CTNNA2: variants seen among roughly 807,000 people sequenced by gnomAD.
The protein encoded by CTNNA2 is catenin alpha-2.
CTNNA2 carries 42 observed loss-of-function variants against 101.0 expected under a neutral mutation model. That is an observed-to-expected ratio of 0.42 (90% CI 0.32 to 0.54). CTNNA2 has a LOEUF of 0.54. Among genes scored for constraint, CTNNA2 ranks in the 20% least tolerant of loss-of-function variants. The pLI, the probability that CTNNA2 is intolerant of heterozygous loss-of-function variation, is 0.14. For missense variants in CTNNA2, 871 were observed against 1,223.1 expected (o/e 0.71, Z 4.29); for synonymous variants, 450 against 456.4 (o/e 0.99, Z 0.18).
At chr2:79,621,789 C>T (rs952955410) in intron 1 of CTNNA2, among the ~76,000 whole-genome samples, 3 of 152,126 alleles carry the variant, frequency 2.0e-5, no homozygotes, top group African/African-American at 7.2e-5. Context: ...AAATTCAACA[C>T]CAGTAGTGAT....
chr2:80,482,168 A>T (rs1686201191), intron 9 of CTNNA2, among the ~76,000 whole-genome samples: 1 of 152,054 alleles, frequency 6.6e-6, no homozygotes, highest in Admixed American at 6.6e-5. Context: ...TAATCTGGTG[A>T]TCCAATCCTC....
At chr2:79,702,511 T>A (rs973634094) in intron 2 of CTNNA2, among the ~76,000 whole-genome samples, 1 of 152,184 alleles carries the variant, frequency 6.6e-6, no homozygotes, top group African/African-American at 2.4e-5. Flanking sequence ...GCTATAGAGT[T>A]AGATCATGAA....
chr2:79,646,980 A>G (rs1362250123), intron 1 of CTNNA2, among the ~76,000 whole-genome samples: 1 of 152,200 alleles, frequency 6.6e-6, no homozygotes, highest in Non-Finnish European at 1.5e-5. Context: ...TCCAGTCTGT[A>G]TTCTAAGTCT....
intron 2 of CTNNA2, among the ~76,000 whole-genome samples, chr2:79,694,504 A>G (rs1249833870): frequency 1.3e-5 from 2 of 151,900 alleles, no homozygotes; most frequent in African/African-American, 4.8e-5. Flanking sequence ...TTAACTCTGT[A>G]TATTTTATAA....
chr2:80,010,713 T>A (rs1169911080), intron 7 of CTNNA2, among the ~76,000 whole-genome samples: 1 of 100,970 alleles, frequency 9.9e-6, no homozygotes, highest in Non-Finnish European at 2.6e-5. Context: ...TTTTTGCCAT[T>A]CACTTTTTTT....
chr2:79,794,608 C>G (rs1181891012), intron 3 of CTNNA2, among the ~76,000 whole-genome samples: 1 of 152,126 alleles, frequency 6.6e-6, no homozygotes, highest in Non-Finnish European at 1.5e-5. Flanking sequence ...ACCCGCTTAG[C>G]AAGTCTTAAG....
intron 7 of CTNNA2, among the ~76,000 whole-genome samples, chr2:80,164,370 T>C (rs1475670889): frequency 6.6e-6 from 1 of 152,044 alleles, no homozygotes; most frequent in Non-Finnish European, 1.5e-5. Flanking sequence ...ACATAAATTA[T>C]ATATATTGAT....
intron 1 of CTNNA2, among the ~76,000 whole-genome samples, chr2:79,608,483 T>C (rs1023378973): frequency 6.6e-6 from 1 of 152,070 alleles, no homozygotes; most frequent in African/African-American, 2.4e-5. Flanking sequence ...GGAAGTATTC[T>C]TCATGAACAT....
chr2:79,808,646 A>C (rs1005594333), intron 3 of CTNNA2, among the ~76,000 whole-genome samples: 1 of 152,232 alleles, frequency 6.6e-6, no homozygotes, highest in Non-Finnish European at 1.5e-5. Flanking sequence ...TTTGCCTAAC[A>C]CAAGGTCACA....
At chr2:80,380,869 A>G (rs538799797) in intron 7 of CTNNA2, among the ~76,000 whole-genome samples, 1 of 152,344 alleles carries the variant, frequency 6.6e-6, no homozygotes, top group South Asian at 2.1e-4. Context: ...TTACAAATTA[A>G]CACAGCAGAT....
chr2:79,923,846 T>C (rs1686841888), intron 7 of CTNNA2, among the ~76,000 whole-genome samples: 1 of 152,130 alleles, frequency 6.6e-6, no homozygotes, highest in African/African-American at 2.4e-5. Flanking sequence ...TGTATAGTAT[T>C]TGTCATTTTG....
At chr2:80,546,749 G>A (rs776678631) in intron 11 of CTNNA2, among the ~76,000 whole-genome samples, 1 of 152,176 alleles carries the variant, frequency 6.6e-6, no homozygotes, top group Non-Finnish European at 1.5e-5. Context: ...TTCAAGATTT[G>A]TCTACCAGCC....
chr2:79,243,914 G>C (rs1203805791), intron 2 of CTNNA2, among the ~76,000 whole-genome samples: 1 of 152,170 alleles, frequency 6.6e-6, no homozygotes, highest in Non-Finnish European at 1.5e-5. Flanking sequence ...ATAGTTCCGT[G>C]TTCCACTTGC....
chr2:80,140,845 C>T (rs1362952446), intron 7 of CTNNA2, among the ~76,000 whole-genome samples: 1 of 151,970 alleles, frequency 6.6e-6, no homozygotes, highest in African/African-American at 2.4e-5. Flanking sequence ...AAACTGATTG[C>T]GAGTAGATTA....
At chr2:80,059,132 A>G (rs1243865776) in intron 7 of CTNNA2, among the ~76,000 whole-genome samples, 1 of 152,228 alleles carries the variant, frequency 6.6e-6, no homozygotes, top group East Asian at 1.9e-4. Context: ...TCTTGGATTT[A>G]GGGATACATT....
At chr2:80,299,659 G>A (rs1676067670) in intron 7 of CTNNA2, 1 of 152,180 alleles carries the variant, frequency 6.6e-6, no homozygotes, top group Non-Finnish European at 1.5e-5. Context: ...ATAAAACAAA[G>A]CACGATTATT....
intron 2 of CTNNA2, among the ~76,000 whole-genome samples, chr2:79,220,345 T>G (rs1674326547): frequency 6.6e-6 from 1 of 152,144 alleles, no homozygotes; most frequent in African/African-American, 2.4e-5. Flanking sequence ...AACATCCACT[T>G]TATTACTGGC....
At chr2:79,880,558 G>A (rs1683352197) in intron 6 of CTNNA2, among the ~76,000 whole-genome samples, 3 of 152,246 alleles carry the variant, frequency 2.0e-5, no homozygotes, top group Non-Finnish European at 4.4e-5. Flanking sequence ...GACTGTATGT[G>A]TCCAGGAATT....
At chr2:79,693,985 T>A (rs538552776) in intron 2 of CTNNA2, among the ~76,000 whole-genome samples, 1 of 152,100 alleles carries the variant, frequency 6.6e-6, no homozygotes, top group Non-Finnish European at 1.5e-5. Flanking sequence ...TTGAGAGCAA[T>A]GGTGTTTTTA....
Sources: allele counts gnomAD v4.1 joint callset (sites outside exome capture counted in the v4.1 genomes callset), GRCh38; gene constraint gnomAD v4.1.1; transcripts MANE v1.5; gene names NCBI Gene and HGNC (gene_info 2026-07-23, HGNC 2026-07-21).